RBMS2: variants seen among roughly 807,000 people sequenced by gnomAD.
RBMS2 encodes the protein RNA binding motif single stranded interacting protein 2.
Under a neutral mutation model 58.4 loss-of-function variants are expected in RBMS2, and 38 were observed. The ratio of observed to expected loss-of-function variants is 0.65; its 90% CI spans 0.50 to 0.85. RBMS2 has a LOEUF of 0.85. Among genes scored for constraint, RBMS2 ranks in the 40% least tolerant of loss-of-function variants. The pLI is 0.00. For synonymous variants in RBMS2, 151 were observed against 180.7 expected, an observed-to-expected ratio of 0.84 and a Z score of 1.32; for missense variants, 367 against 503.7, an observed-to-expected ratio of 0.73 and a Z score of 2.60.
At chr12:56,537,123 G>T (rs552026051) in intron 1 of RBMS2, among the ~76,000 whole-genome samples, 2 of 151,976 alleles carry the variant, frequency 1.3e-5, no homozygotes, top group African/African-American at 4.8e-5. Flanking sequence ...TTTTCACCAG[G>T]TTGGTCAGGC....
chr12:56,559,330 C>T (rs1011751951), intron 1 of RBMS2, among the ~76,000 whole-genome samples: 8 of 150,912 alleles, frequency 5.3e-5, no homozygotes, highest in Admixed American at 2.0e-4. Context: ...GGACTACAGG[C>T]GCCCGCCACT....
chr12:56,573,907 C>A (rs1423096505), intron 5 of RBMS2, among the ~76,000 whole-genome samples: 1 of 152,160 alleles, frequency 6.6e-6, no homozygotes, highest in African/African-American at 2.4e-5. Context: ...ATGGCACAAT[C>A]TTGGCTCACT....
intron 1 of RBMS2, among the ~76,000 whole-genome samples, chr12:56,533,067 T>C (rs1386798487): frequency 6.6e-6 from 1 of 151,994 alleles, no homozygotes; most frequent in East Asian, 1.9e-4. Flanking sequence ...CCTGAGTAGC[T>C]AGGATTACAG....
intron 2 of RBMS2, among the ~76,000 whole-genome samples, chr12:56,566,846 A>G (rs936106654): frequency 6.6e-6 from 1 of 152,306 alleles, no homozygotes; most frequent in East Asian, 1.9e-4. Context: ...CACAACTGTC[A>G]TGCAAATATA....
chr12:56,562,590 T>G lies in RBMS2; in HGVS notation c.233+7T>G. ...TTGTCAAGCTGTGTCAGCCGTAAGT[T>G]GGAGTACATGTGCGTAGGCTTCCAG... On this transcript the variant is annotated splice_region_variant and intron_variant, in intron 2 of 13. Transcript: ENST00000262031. 1.2e-6 allele frequency: 2 copies of G among 1,611,848 alleles called. No homozygotes were observed.
intron 1 of RBMS2, among the ~76,000 whole-genome samples, chr12:56,543,750 C>T (rs1876599216): frequency 1.3e-5 from 2 of 151,708 alleles, no homozygotes; most frequent in Non-Finnish European, 2.9e-5. Context: ...TCACTGCAAC[C>T]TCCACCTCCC....
chr12:56,553,729 A>G (rs1878712702), intron 1 of RBMS2, among the ~76,000 whole-genome samples: 1 of 151,994 alleles, frequency 6.6e-6, no homozygotes, highest in African/African-American at 2.4e-5. Flanking sequence ...GGTCTCCCAA[A>G]GTGCTGAGAT....
At chr12:56,546,398 A>C (rs1022594079) in intron 1 of RBMS2, among the ~76,000 whole-genome samples, 15 of 146,674 alleles carry the variant, frequency 1.0e-4, no homozygotes, top group Admixed American at 2.1e-4. Flanking sequence ...ATAATGTATA[A>C]TATATTGTAC....
intron 1 of RBMS2, among the ~76,000 whole-genome samples, chr12:56,535,440 A>G (rs531966352): frequency 1.2e-4 from 18 of 148,066 alleles, no homozygotes; most frequent in Admixed American, 5.0e-4. Flanking sequence ...GGTTGCAGTG[A>G]GCTGAGATTG....
chr12:56,571,682 A>C lies in RBMS2; in HGVS notation c.385-16A>C. 6.6e-7 allele frequency: 1 copy of C among 1,510,594 alleles called. No homozygotes were observed. Among genetic ancestry groups the C allele is most frequent in the Non-Finnish European group, 8.9e-7 (1 of 1,123,546 alleles). 93.6% of individuals were successfully genotyped at this position (1,510,594 alleles called of 1,614,324 possible). A position where few individuals can be genotyped will look rare whatever the true frequency, so the allele number is the denominator to read the frequency against. On this transcript the variant is annotated splice_polypyrimidine_tract_variant and intron_variant, in intron 4 of 13. Transcript: ENST00000262031. ...TAAGAGATGTGAGCCTCATTTTCTC[A>C]CTGTTATTTCCACAGCAACAGGAAC...
chr12:56,552,667 T>C (rs1878478966), intron 1 of RBMS2, among the ~76,000 whole-genome samples: 1 of 151,978 alleles, frequency 6.6e-6, no homozygotes, highest in African/African-American at 2.4e-5. Flanking sequence ...GAAACCAGCC[T>C]GGGCAACATA....
chr12:56,521,537 G>A (rs1871732612), upstream of RBMS2, among the ~76,000 whole-genome samples: 1 of 116,550 alleles, frequency 8.6e-6, no homozygotes, highest in African/African-American at 3.7e-5. Context: ...TGTTCTCCAA[G>A]GCAATGTCTC....
chr12:56,570,378 C>G (rs1042658647), intron 4 of RBMS2, among the ~76,000 whole-genome samples: 1 of 152,262 alleles, frequency 6.6e-6, no homozygotes, highest in African/African-American at 2.4e-5. Flanking sequence ...GAACAATGCT[C>G]TCCACCTCCT....
At chr12:56,567,267 C>A (rs1023526036) in intron 2 of RBMS2, among the ~76,000 whole-genome samples, 1 of 151,952 alleles carries the variant, frequency 6.6e-6, no homozygotes, top group South Asian at 2.1e-4. Flanking sequence ...CGCCTGTAAT[C>A]CCAGCTACTC....
At chr12:56,526,656 A>G (rs1392288015) in intron 1 of RBMS2, among the ~76,000 whole-genome samples, 6 of 124,604 alleles carry the variant, frequency 4.8e-5, no homozygotes, top group Non-Finnish European at 9.9e-5. Context: ...GCCCTTCAGT[A>G]ACTTGGTTCA....
At chr12:56,587,685 T>C in intron 11 of RBMS2, 21 bp downstream of exon 11, 1 of 1,609,016 alleles carries the variant, frequency 6.2e-7, no homozygotes, top group African/African-American at 1.3e-5. Flanking sequence ...ATATTTCTGA[T>C]TGTAAACTCT....
intron 1 of RBMS2, among the ~76,000 whole-genome samples, chr12:56,554,675 C>T (rs1157257609): frequency 6.6e-6 from 1 of 152,094 alleles, no homozygotes; most frequent in African/African-American, 2.4e-5. Flanking sequence ...TGCAGCAAAC[C>T]ACCATGGCAC....
Position 56,592,042 on chromosome 12 carries a change from AGGAG to A in RBMS2, c.*2914_*2917del. 2 of 152,312 alleles carry A rather than the reference AGGAG, an allele frequency of 1.3e-5. No homozygotes were observed. The highest frequency in any genetic ancestry group is 3.9e-4 in the East Asian group (2 of 5,190). The allele number at this position is 152,312 out of a possible 1,614,324, so 9.4% of individuals were successfully genotyped here. Reference sequence around the variant, plus strand: ...AACAGTGGGTGAGTGTTTGGAGGAAAGGAGGGAGAAGAAAGGAGGGATACTGTTT... The same window carrying A: ...AACAGTGGGTGAGTGTTTGGAGGAAAGGAGAAGAAAGGAGGGATACTGTTT... On this transcript the variant is annotated 3_prime_UTR_variant, in exon 14 of 14. Coordinates refer to ENST00000262031, the MANE Select transcript of RBMS2 (RefSeq NM_002898.4).
At position 56,525,532 on chromosome 12, in the gene RBMS2, TA is replaced by T. The variant is rs1214362924; in HGVS notation, c.66+3444del. ...CCACTGTCTGGCCCATTTATTTATTTATTTATTTTGAGACAGGGTATCACTC... is the reference window on the plus strand; with the variant it reads ...CCACTGTCTGGCCCATTTATTTATTTTTTATTTTGAGACAGGGTATCACTC... On this transcript the variant is annotated intron_variant, in intron 1 of 13. Coordinates refer to ENST00000262031, the MANE Select transcript of RBMS2 (RefSeq NM_002898.4). Among the ~76,000 whole-genome samples the T allele has an allele frequency of 1.2e-4, 19 of 152,010 alleles. No individual in the cohort carries two copies. In the East Asian group the frequency reaches 3.7e-3, roughly 30 times the overall value.
Sources: gnomAD v4.1 joint callset for allele counts (sites outside exome capture counted in the v4.1 genomes callset) on GRCh38, gnomAD v4.1.1 for gene constraint, MANE v1.5 for transcripts, NCBI Gene and HGNC (gene_info 2026-07-23, HGNC 2026-07-21) for gene names.